SMURF2: variants seen among roughly 807,000 people sequenced by gnomAD.
The protein encoded by SMURF2 is E3 ubiquitin-protein ligase SMURF2.
A neutral mutation model predicts 109.6 loss-of-function variants in SMURF2; 48 were observed. The ratio of observed to expected loss-of-function variants is 0.44; its 90% CI spans 0.35 to 0.56. SMURF2 has a LOEUF of 0.56. Ranked by LOEUF, SMURF2 falls within the 20% of genes least tolerant of loss-of-function variation. The pLI, the probability that SMURF2 is intolerant of heterozygous loss-of-function variation, is 0.01. For missense variants in SMURF2, 575 were observed against 909.0 expected (o/e 0.63, Z 4.72); for synonymous variants, 288 against 317.1 (o/e 0.91, Z 0.97).
chr17:64,661,806 C>A, intron 1 of SMURF2, 23 bp downstream of exon 1: 1 of 1,220,056 alleles, frequency 8.2e-7, no homozygotes, highest in Non-Finnish European at 1.0e-6. Flanking sequence ...GGCTGCCCAG[C>A]CCGGCCCGCC....
At chr17:64,611,581 A>G (rs1970045099) in intron 1 of SMURF2, among the ~76,000 whole-genome samples, 1 of 151,994 alleles carries the variant, frequency 6.6e-6, no homozygotes, top group Non-Finnish European at 1.5e-5. Context: ...GACAATTACA[A>G]TTCTCAGCAA....
chr17:64,646,826 GTC>G (rs1555693012), intron 1 of SMURF2, among the ~76,000 whole-genome samples: 1 of 152,170 alleles, frequency 6.6e-6, no homozygotes, highest in Non-Finnish European at 1.5e-5. Flanking sequence ...ATTCTGATTT[GTC>G]TCTCTGGTGG....
Position 64,545,940 on chromosome 17 carries a change from G to T in SMURF2, c.2155C>A (p.Arg719=). The T allele has an allele frequency of 6.2e-7, 1 of 1,601,174 alleles. No individual in the cohort carries two copies. Among genetic ancestry groups the T allele is most frequent in the Non-Finnish European group, 8.6e-7 (1 of 1,168,304 alleles). Residue 719 remains arginine, a synonymous_variant, in exon 19 of 19, where the codon CGA becomes AGA. Transcript: ENST00000262435. ...NLPKAHTCFN[R]IDIPPYESYE... Reference sequence around the variant, plus strand: ...CTTTCATAGGGTGGAATGTCTATTCGATTGAAGCTGTGAATAAGCAAATCA... The same window carrying T: ...CTTTCATAGGGTGGAATGTCTATTCTATTGAAGCTGTGAATAAGCAAATCA...
rs137929692 is a variant in SMURF2 at position 64,606,343 on chromosome 17, T to A, written c.91+259A>T. Among the ~76,000 whole-genome samples, 1,059 of 152,212 alleles carry A rather than the reference T, an allele frequency of 7.0e-3. 17 individuals are homozygous for A. Among genetic ancestry groups the A allele is most frequent in the African/African-American group, 0.024 (1,005 of 41,516 alleles). ...ACACCTTCAATATACATTACACACA[T>A]CTGCATTTACACACCTGCATACACA... On this transcript the variant is annotated intron_variant, in intron 2 of 18. Transcript: ENST00000262435.
chr17:64,659,943 T>C (rs1970753395), intron 1 of SMURF2, among the ~76,000 whole-genome samples: 1 of 152,190 alleles, frequency 6.6e-6, no homozygotes, highest in South Asian at 2.1e-4. Flanking sequence ...AAACTGTTTT[T>C]ACTATTAAGA....
intron 15 of SMURF2, among the ~76,000 whole-genome samples, chr17:64,554,440 G>A (rs1555683855): frequency 2.0e-5 from 3 of 152,148 alleles, no homozygotes; most frequent in African/African-American, 7.2e-5. Context: ...TGGCTATGGG[G>A]AGAGGGAGTG....
At chr17:64,561,739 G>A in intron 11 of SMURF2, 136 bp from the exon 12 acceptor site, 2 of 609,994 alleles carry the variant, frequency 3.3e-6, no homozygotes, top group Non-Finnish European at 5.7e-6. Context: ...GCTCACACCT[G>A]TAATCCCAAC....
At chr17:64,554,468 T>A (rs1432200506) in intron 15 of SMURF2, among the ~76,000 whole-genome samples, 1 of 152,096 alleles carries the variant, frequency 6.6e-6, no homozygotes, top group Non-Finnish European at 1.5e-5. Context: ...AGAGAGGGAA[T>A]GGCCTTTGAT....
At chr17:64,627,435 G>A (rs1425487726) in intron 1 of SMURF2, among the ~76,000 whole-genome samples, 3 of 152,124 alleles carry the variant, frequency 2.0e-5, no homozygotes, top group Non-Finnish European at 4.4e-5. Flanking sequence ...TAAGTTTTGA[G>A]ACACTTTGCT....
rs1344287669 is a variant in SMURF2 at position 64,591,153 on chromosome 17, T to C, written c.335-4A>G. ...TTGCATAAATCCAACCTCTGATCTA[T>C]TTGAAGTCAACAAAGAAAGCAACGA... On this transcript the variant is annotated splice_polypyrimidine_tract_variant and splice_region_variant and intron_variant, in intron 4 of 18. Transcript: ENST00000262435. The C allele has an allele frequency of 5.0e-6, 8 of 1,611,634 alleles. No individual in the cohort carries two copies. Among genetic ancestry groups the C allele is most frequent in the Non-Finnish European group, 6.8e-6 (8 of 1,178,984 alleles).
At chr17:64,644,430 GAAAAAAA>G (rs113026393) in intron 1 of SMURF2, among the ~76,000 whole-genome samples, 1 of 114,768 alleles carries the variant, frequency 8.7e-6, no homozygotes, top group Non-Finnish European at 2.0e-5. Context: ...ACTAAAAATA[GAAAAAAA>G]AAAAAAAAAT....
intron 1 of SMURF2, among the ~76,000 whole-genome samples, chr17:64,639,237 A>T (rs1970462098): frequency 6.6e-6 from 1 of 152,196 alleles, no homozygotes; most frequent in Non-Finnish European, 1.5e-5. Flanking sequence ...TAACCAAGTG[A>T]ACACATTGCT....
At position 64,577,613 on chromosome 17, in the gene SMURF2, A is replaced by G. The variant is rs1426809997; in HGVS notation, c.857+879T>C. On this transcript the variant is annotated intron_variant, in intron 9 of 18. Transcript: ENST00000262435. ...AAAAAAAAAAAAGAGAGAGAGAGAG[A>G]GAAATGGGGTCTTGCTCTGTCATCC... 2.6e-5 allele frequency among the ~76,000 whole-genome samples: 4 copies of G among 151,078 alleles called. No homozygotes were observed. In the East Asian group the frequency reaches 7.8e-4, roughly 29 times the overall value.
chr17:64,634,558 G>A (rs192413798), intron 1 of SMURF2, among the ~76,000 whole-genome samples: 30 of 152,224 alleles, frequency 2.0e-4, no homozygotes, highest in East Asian at 5.8e-4. Context: ...ATTGGTATCC[G>A]CCTCTGTAGA....
At chr17:64,554,175 A>G (rs77277947) in intron 15 of SMURF2, among the ~76,000 whole-genome samples, 14,307 of 152,246 alleles carry the variant, frequency 0.094, 1,093 homozygotes, top group African/African-American at 0.19. Context: ...GCCACCTGTG[A>G]TAGCTACACC....
chr17:64,563,161 A>G (rs1363564850), intron 10 of SMURF2, 195 bp from the exon 11 acceptor site: 1 of 485,728 alleles, frequency 2.1e-6, no homozygotes, highest in Non-Finnish European at 3.6e-6. Context: ...AGTCCACATA[A>G]ACTGACAGAA....
At chr17:64,562,716 G>T in intron 11 of SMURF2, 55 bp downstream of exon 11, 1 of 1,535,656 alleles carries the variant, frequency 6.5e-7, no homozygotes, top group Non-Finnish European at 8.9e-7. Context: ...GTATTAGCAA[G>T]CAATGGGTTT....
chr17:64,631,097 T>G (rs1370242680), intron 1 of SMURF2, among the ~76,000 whole-genome samples: 7 of 150,492 alleles, frequency 4.7e-5, no homozygotes, highest in Non-Finnish European at 8.9e-5. Flanking sequence ...AGTCCAGGAG[T>G]GCAAGACCAG....
At chr17:64,613,717 T>C (rs868951599) in intron 1 of SMURF2, among the ~76,000 whole-genome samples, 1 of 136,058 alleles carries the variant, frequency 7.3e-6, no homozygotes, top group African/African-American at 2.8e-5. Flanking sequence ...TGTGTGTGTG[T>C]GTGTGTGTGT....
Sources: allele counts gnomAD v4.1 joint callset (sites outside exome capture counted in the v4.1 genomes callset), GRCh38; gene constraint gnomAD v4.1.1; transcripts MANE v1.5; gene names NCBI Gene and HGNC (gene_info 2026-07-23, HGNC 2026-07-21).